The following FABP7 variants were observed in gnomAD, a reference collection of about 807,000 sequenced individuals.
The protein encoded by FABP7 is fatty acid binding protein 7, also known as fatty acid-binding protein, brain.
In FABP7, 13 loss-of-function variants were observed where a neutral mutation model predicts 14.2. That is an observed-to-expected ratio of 0.91 (90% CI 0.59 to 1.45). FABP7 has a LOEUF of 1.45. Ranked by LOEUF, FABP7 falls within the 40% of genes most tolerant of loss-of-function variation. The probability of loss-of-function intolerance (pLI) is 0.00; values close to 1 mark genes in which losing one functional copy is unlikely to be tolerated. For synonymous variants in FABP7, 49 were observed against 51.4 expected, an observed-to-expected ratio of 0.95 and a Z score of 0.20; for missense variants, 149 against 157.6, an observed-to-expected ratio of 0.95 and a Z score of 0.29.
the FABP7 span, among the ~76,000 whole-genome samples, chr6:122,769,520 C>T: frequency 6.6e-6 from 1 of 152,036 alleles, no homozygotes; most frequent in African/African-American, 2.4e-5. Context: ...CTTTCTTGTA[C>T]GTACTGGAGA....
intron 3 of FABP7, chr6:122,781,526 T>C: frequency 7.5e-7 from 1 of 1,327,916 alleles, no homozygotes; most frequent in Non-Finnish European, 9.6e-7. Flanking sequence ...TAAAATTTAA[T>C]ATAAAGCCCA....
Position 122,780,369 on chromosome 6 carries a change from T to G in FABP7, c.152T>G (p.Val51Gly). Reference protein sequence around the residue: ...VIISQEGDKVVIRTLSTFKNT... With the variant: ...VIISQEGDKVGIRTLSTFKNT... ...ATCAGTCAAGAAGGAGACAAAGTGG[T>G]CATCAGGACTCTCAGCACATTCAAG... is the stretch of plus-strand genomic sequence containing the variant. Residue 51 changes from valine to glycine, a missense_variant, in exon 2 of 4, where the codon GTC (valine) becomes GGC (glycine). Val to Gly is a moderately radical substitution (Grantham distance 109). Coordinates refer to ENST00000368444, the MANE Select transcript of FABP7 (RefSeq NM_001446.5). The G allele has an allele frequency of 6.2e-7, 1 of 1,614,086 alleles. No individual in the cohort carries two copies. The highest frequency in any genetic ancestry group is 8.5e-7 in the Non-Finnish European group (1 of 1,180,010).
chr6:122,774,326 C>A, the FABP7 span, among the ~76,000 whole-genome samples: 2 of 123,930 alleles, frequency 1.6e-5, no homozygotes, highest in Non-Finnish European at 3.1e-5. Context: ...CAGGCCACTG[C>A]ACTCCAGCCT....
chr6:122,780,336 C>G lies in FABP7; in HGVS notation c.119C>G (p.Thr40Arg). The change falls in exon 2 of 4, where the codon ACG becomes AGG. Residue 40 changes from threonine to arginine, a missense_variant. Physicochemically the swap from Thr to Arg is moderately conservative, Grantham distance 71. Coordinates refer to ENST00000368444, the MANE Select transcript of FABP7 (RefSeq NM_001446.5). ...TRQVGNVTKPTVIISQEGDKV... is the reference protein window; with the variant it reads ...TRQVGNVTKPRVIISQEGDKV... Reference sequence around the variant, plus strand: ...CAGGTGGGAAATGTGACCAAACCAACGGTAATTATCAGTCAAGAAGGAGAC... The same window carrying G: ...CAGGTGGGAAATGTGACCAAACCAAGGGTAATTATCAGTCAAGAAGGAGAC... 1 of 1,614,040 alleles carries G rather than the reference C, an allele frequency of 6.2e-7. No individual in the cohort carries two copies. Among genetic ancestry groups the G allele is most frequent in the Non-Finnish European group, 8.5e-7 (1 of 1,180,010 alleles).
intron 2 of FABP7, 145 bp from the exon 3 acceptor site, chr6:122,780,948 C>A: frequency 1.0e-6 from 1 of 961,852 alleles, no homozygotes; most frequent in Non-Finnish European, 1.4e-6. Flanking sequence ...AATAGAAAAT[C>A]TAGAAGTAAT....
the FABP7 span, among the ~76,000 whole-genome samples, chr6:122,752,418 G>A: frequency 1.3e-5 from 2 of 152,208 alleles, no homozygotes; most frequent in African/African-American, 4.8e-5. Context: ...AACCTAAATA[G>A]TGGGTTACAT....
chr6:122,764,092 T>C, the FABP7 span, among the ~76,000 whole-genome samples: 1 of 152,170 alleles, frequency 6.6e-6, no homozygotes, highest in Non-Finnish European at 1.5e-5. Flanking sequence ...TGCACACGTA[T>C]GTTTATTGTG....
chr6:122,759,279 T>A, the FABP7 span, among the ~76,000 whole-genome samples: 1 of 152,178 alleles, frequency 6.6e-6, no homozygotes, highest in African/African-American at 2.4e-5. Flanking sequence ...ACTTCCCCCA[T>A]AGGGTGTGTG....
upstream of FABP7, among the ~76,000 whole-genome samples, chr6:122,776,123 C>T (rs1022813549): frequency 6.6e-6 from 1 of 151,976 alleles, no homozygotes; most frequent in Non-Finnish European, 1.5e-5. Flanking sequence ...GGAGATTCCT[C>T]AAAAAACTTA....
At chr6:122,780,637 G>A (rs909742175) in intron 2 of FABP7, 174 bp downstream of exon 2, 7 of 673,850 alleles carry the variant, frequency 1.0e-5, no homozygotes, top group African/African-American at 3.7e-5. Context: ...TTTGAACAAT[G>A]GGTACTTGCT....
At chr6:122,751,910 T>C in the FABP7 span, among the ~76,000 whole-genome samples, 336 of 152,236 alleles carry the variant, frequency 2.2e-3, 3 homozygotes, top group Non-Finnish European at 1.6e-3. Context: ...CCAACCCAGG[T>C]CATCTTTATT....
At chr6:122,753,533 AT>A in the FABP7 span, among the ~76,000 whole-genome samples, 4 of 152,218 alleles carry the variant, frequency 2.6e-5, no homozygotes, top group Admixed American at 2.0e-4. Context: ...TGTGGTGCAC[AT>A]ATTTGTCATG....
the FABP7 span, among the ~76,000 whole-genome samples, chr6:122,755,013 T>C: frequency 6.6e-6 from 1 of 152,084 alleles, no homozygotes; most frequent in Admixed American, 6.6e-5. Context: ...AATCACTTTT[T>C]TTTTTTTCCA....
chr6:122,783,255 G>A (rs1019800305), intron 3 of FABP7: 4 of 985,324 alleles, frequency 4.1e-6, no homozygotes, highest in Admixed American at 6.1e-5. Flanking sequence ...ACCTTTACAT[G>A]TTCCTCTTGA....
chr6:122,779,258 T>C (rs976543900), upstream of FABP7, among the ~76,000 whole-genome samples: 1 of 152,230 alleles, frequency 6.6e-6, no homozygotes, highest in Admixed American at 6.5e-5. Flanking sequence ...CTCCTTTGTC[T>C]GCAAAGTCTG....
the FABP7 span, among the ~76,000 whole-genome samples, chr6:122,755,206 TTCTC>T: frequency 2.0e-5 from 3 of 152,226 alleles, no homozygotes; most frequent in East Asian, 5.8e-4. Context: ...ACTTGACCCT[TTCTC>T]TCTCCATTGT....
the FABP7 span, among the ~76,000 whole-genome samples, chr6:122,753,585 G>A: frequency 6.6e-6 from 1 of 152,052 alleles, no homozygotes; most frequent in Non-Finnish European, 1.5e-5. Context: ...ACCGATAGAG[G>A]GTCATGACTG....
chr6:122,772,499 C>T, the FABP7 span, among the ~76,000 whole-genome samples: 2 of 152,168 alleles, frequency 1.3e-5, no homozygotes, highest in African/African-American at 4.8e-5. Context: ...CTCACTGCAA[C>T]TTCCACCTCC....
chr6:122,750,398 A>G, the FABP7 span, among the ~76,000 whole-genome samples: 1 of 152,196 alleles, frequency 6.6e-6, no homozygotes, highest in African/African-American at 2.4e-5. Flanking sequence ...TGAAAGCAAG[A>G]AAAACACATT....
Sources: allele counts gnomAD v4.1 joint callset (sites outside exome capture counted in the v4.1 genomes callset), GRCh38; gene constraint gnomAD v4.1.1; transcripts MANE v1.5; gene names NCBI Gene and HGNC (gene_info 2026-07-23, HGNC 2026-07-21).